Variants in C16orf46 observed in about 807,000 individuals in gnomAD.
C16orf46 encodes the protein uncharacterized protein C16orf46.
A neutral mutation model predicts 5.5 loss-of-function variants in C16orf46; 7 were observed. The ratio of observed to expected loss-of-function variants is 1.28; its 90% CI spans 0.73 to 2.40. C16orf46 has a LOEUF of 2.40. Among genes scored for constraint, C16orf46 ranks in the 30% most tolerant of loss-of-function variants. C16orf46 has a pLI of 0.00. For missense variants in C16orf46, 614 were observed against 476.0 expected (o/e 1.29, Z -2.70); for synonymous variants, 200 against 184.1 (o/e 1.09, Z -0.70).
chr16:81,054,161 G>A, intron 3 of C16orf46: 1 of 1,450,634 alleles, frequency 6.9e-7, no homozygotes, highest in Non-Finnish European at 9.7e-7. Context: ...TGTGGCAGAA[G>A]TCAATGCATC....
chr16:81,073,349 A>G (rs1017437327), intron 1 of C16orf46, among the ~76,000 whole-genome samples: 1 of 152,198 alleles, frequency 6.6e-6, no homozygotes, highest in Non-Finnish European at 1.5e-5. Flanking sequence ...TTAGAGGCAG[A>G]ATTAATAGCA....
chr16:81,074,485 T>C (rs1182004177), intron 1 of C16orf46, among the ~76,000 whole-genome samples: 1 of 152,100 alleles, frequency 6.6e-6, no homozygotes, highest in Non-Finnish European at 1.5e-5. Context: ...CTTGGGTTCA[T>C]GAGATTCTCC....
At chr16:81,054,138 G>T (rs915849017) in intron 3 of C16orf46, 22 of 1,587,460 alleles carry the variant, frequency 1.4e-5, no homozygotes, top group Non-Finnish European at 1.9e-5. Context: ...TAGAGCCCAT[G>T]CTGCAATGAA....
At chr16:81,054,030 C>T (rs1372023670) in exon 4 of C16orf46, 4 of 1,587,174 alleles carry the variant, frequency 2.5e-6, no homozygotes, top group Admixed American at 1.7e-5. Flanking sequence ...ACATCTCAAC[C>T]GTGTTGCTGC....
chr16:81,054,091 T>G, exon 4 of C16orf46: 2 of 1,612,852 alleles, frequency 1.2e-6, no homozygotes, highest in Non-Finnish European at 1.7e-6. Context: ...TTCTTTTTCC[T>G]GTGCTGTAAC....
Position 81,061,517 on chromosome 16 carries a change from T to G in C16orf46, c.832A>C (p.Thr278Pro). Reference sequence around the variant, plus strand: ...GCCGCTGGGGAAGGGGAGGATGGCGTGTCGTTGACCATAGGGTGTTTGGCC... The same window carrying G: ...GCCGCTGGGGAAGGGGAGGATGGCGGGTCGTTGACCATAGGGTGTTTGGCC... ...ELAKHPMVND[T>P]PSSPSPAAQI... Residue 278 changes from threonine (T) to proline (P), a missense_variant, in exon 4 of 4, where the codon ACG (threonine) becomes CCG (proline). Thr to Pro is a conservative substitution (Grantham distance 38). Transcript: ENST00000299578. 1.2e-6 allele frequency: 2 copies of G among 1,614,192 alleles called. No individual in the cohort carries two copies. Among genetic ancestry groups the G allele is most frequent in the Non-Finnish European group, 1.7e-6 (2 of 1,180,038 alleles).
chr16:81,067,695 G>C (rs991661032), intron 1 of C16orf46, among the ~76,000 whole-genome samples: 2 of 152,122 alleles, frequency 1.3e-5, no homozygotes, highest in African/African-American at 4.8e-5. Context: ...TGGGATTACA[G>C]GCGTGCGCTA....
intron 1 of C16orf46, among the ~76,000 whole-genome samples, chr16:81,070,546 G>C (rs1478509838): frequency 6.6e-6 from 1 of 152,116 alleles, no homozygotes; most frequent in Non-Finnish European, 1.5e-5. Context: ...ATTAAATACA[G>C]AAAGGACTGT....
intron 2 of C16orf46, among the ~76,000 whole-genome samples, chr16:81,064,761 A>G (rs1045063607): frequency 6.6e-6 from 1 of 151,830 alleles, no homozygotes; most frequent in Non-Finnish European, 1.5e-5. Context: ...AAAAAAAAAA[A>G]AAGAAGATAT....
chr16:81,064,016 C>G lies in C16orf46; in HGVS notation c.-38-23G>C, dbSNP rs930088498. ...TTGCTGTTTAAAAACATGAATGGAA[C>G]TTCGTTTTTAATATTAATTTTTTTT... On this transcript the variant is annotated intron_variant, in intron 2 of 3. Transcript: ENST00000299578. 2.2e-5 allele frequency: 28 copies of G among 1,273,274 alleles called. No homozygotes were observed. In the Admixed American group the frequency reaches 6.3e-4, roughly 29 times the overall value. The allele number at this position is 1,273,274 out of a possible 1,614,324, so 78.9% of individuals were successfully genotyped here.
At chr16:81,056,723 C>T (rs1020421721), downstream of C16orf46, among the ~76,000 whole-genome samples, 1 of 143,628 alleles carries the variant, frequency 7.0e-6, no homozygotes, top group Non-Finnish European at 1.5e-5. Flanking sequence ...AAAAAGCAGA[C>T]TTATGGCTGC....
Position 81,063,987 on chromosome 16 carries a change from C to A in C16orf46, c.-32G>T, listed in dbSNP as rs1971572107. 2 of 1,492,772 alleles carry A rather than the reference C, an allele frequency of 1.3e-6. No individual in the cohort carries two copies. The highest frequency in any genetic ancestry group is 2.0e-5 in the Admixed American group (1 of 50,076). 92.5% of individuals were successfully genotyped at this position (1,492,772 alleles called of 1,614,324 possible). On this transcript the variant is annotated 5_prime_UTR_variant, in exon 3 of 4. Coordinates refer to ENST00000299578, the MANE Select transcript of C16orf46 (RefSeq NM_152337.3). Reference sequence around the variant, plus strand: ...GATGCTTGCTTAAAGTTTTTAACATCTTCTTGCTGTTTAAAAACATGAATG... The same window carrying A: ...GATGCTTGCTTAAAGTTTTTAACATATTCTTGCTGTTTAAAAACATGAATG...
exon 4 of C16orf46, chr16:81,053,871 G>A: frequency 3.7e-6 from 2 of 539,036 alleles, no homozygotes; most frequent in Non-Finnish European, 6.6e-6. Context: ...AGACCTAAAA[G>A]AGCGAGCCGA....
chr16:81,069,224 C>T (rs1037503246), intron 1 of C16orf46, among the ~76,000 whole-genome samples: 10 of 152,218 alleles, frequency 6.6e-5, no homozygotes, highest in South Asian at 6.2e-4. Context: ...CCGTCAGTCT[C>T]GACTACCTAG....
chr16:81,054,560 C>T lies in C16orf46; in HGVS notation c.1144-466G>A, dbSNP rs372946405. Among the ~76,000 whole-genome samples the T allele has an allele frequency of 4.6e-5, 7 of 152,170 alleles. No homozygotes were observed. In the East Asian group the frequency reaches 7.7e-4, roughly 17 times the overall value. On this transcript the variant is annotated intron_variant, in intron 3 of 3. Transcript: ENST00000378611. Reference sequence around the variant, plus strand: ...ATATACATGTTGGCCAGGCTGGACCCGAACTCCTGACCTCAAGCAATCCAC... The same window carrying T: ...ATATACATGTTGGCCAGGCTGGACCTGAACTCCTGACCTCAAGCAATCCAC...
Position 81,062,140 on chromosome 16 carries a change from T to C in C16orf46, c.211-2A>G. ...AGAAGTCCTTCCCCACCCTTGGACC[T>C]GCAAATAAAGCGGCATGTTACTCCT... On this transcript the variant is annotated splice_acceptor_variant, in intron 3 of 3. Coordinates refer to ENST00000299578, the MANE Select transcript of C16orf46 (RefSeq NM_152337.3). LOFTEE classifies it high-confidence loss of function. 1 of 1,558,632 alleles carries C rather than the reference T, an allele frequency of 6.4e-7. No individual in the cohort carries two copies. The highest frequency in any genetic ancestry group is 8.6e-7 in the Non-Finnish European group (1 of 1,157,090).
At chr16:81,058,547 G>A (rs1971371093), downstream of C16orf46, among the ~76,000 whole-genome samples, 1 of 152,188 alleles carries the variant, frequency 6.6e-6, no homozygotes, top group South Asian at 2.1e-4. Context: ...TAGTTGACAA[G>A]TTGCAAAGTT....
At chr16:81,059,924 G>T (rs1170102381), downstream of C16orf46, among the ~76,000 whole-genome samples, 2 of 151,794 alleles carry the variant, frequency 1.3e-5, no homozygotes, top group East Asian at 1.9e-4. Flanking sequence ...GAGTAGCTGG[G>T]ACTACAGAAG....
At chr16:81,076,355 A>G (rs1972039008) in intron 1 of C16orf46, 1 of 152,126 alleles carries the variant, frequency 6.6e-6, no homozygotes, top group African/African-American at 2.4e-5. Context: ...ATTTGTTCAT[A>G]TTTCCAAGAG....
Sources: allele counts gnomAD v4.1 joint callset (sites outside exome capture counted in the v4.1 genomes callset), GRCh38; gene constraint gnomAD v4.1.1; transcripts MANE v1.5; gene names NCBI Gene and HGNC (gene_info 2026-07-23, HGNC 2026-07-21).